The following FMN2 variants were observed in gnomAD, a reference collection of about 807,000 sequenced individuals.
FMN2 encodes formin 2.
A neutral mutation model predicts 142.3 loss-of-function variants in FMN2; 51 were observed. The ratio of observed to expected loss-of-function variants is 0.36; its 90% confidence interval spans 0.29 to 0.45. The LOEUF (loss-of-function observed/expected upper bound fraction) is 0.45, where lower values mean the gene tolerates loss of function less well. FMN2 is among the 20% of genes least tolerant of loss of function. FMN2 has a pLI of 1.00. For synonymous variants in FMN2, 882 were observed against 869.8 expected (o/e 1.01, Z -0.25); for missense variants, 1,936 against 2,122.8 (o/e 0.91, Z 1.73).
At chr1:240,260,176 A>C (rs1257239227) in intron 7 of FMN2, among the ~76,000 whole-genome samples, 1 of 152,174 alleles carries the variant, frequency 6.6e-6, no homozygotes, top group African/African-American at 2.4e-5. Context: ...GGCTGGTTCC[A>C]TATTTTTGCA....
At chr1:240,143,837 A>G (rs768141566) in intron 2 of FMN2, 65 of 1,569,466 alleles carry the variant, frequency 4.1e-5, no homozygotes, top group Non-Finnish European at 5.6e-5. Context: ...CACACCTGCC[A>G]CCTCCATGCT....
chr1:240,459,695 T>G (rs1676374355), intron 16 of FMN2, among the ~76,000 whole-genome samples: 1 of 109,396 alleles, frequency 9.1e-6, no homozygotes, highest in African/African-American at 3.6e-5. Flanking sequence ...CCAGCCTGGG[T>G]GACAGAACAA....
At chr1:240,205,785 G>GTT (rs532877974) in intron 4 of FMN2, among the ~76,000 whole-genome samples, 1 of 145,322 alleles carries the variant, frequency 6.9e-6, no homozygotes, top group South Asian at 2.2e-4. Context: ...TACTCAAAAC[G>GTT]TTTTTTTTTT....
chr1:240,196,323 A>C (rs1039484210), intron 4 of FMN2, among the ~76,000 whole-genome samples: 1 of 152,194 alleles, frequency 6.6e-6, no homozygotes, highest in East Asian at 1.9e-4. Context: ...TGATACAGGA[A>C]AAGTGGCAAC....
At chr1:240,255,803 C>A (rs149627574) in intron 6 of FMN2, among the ~76,000 whole-genome samples, 1 of 152,042 alleles carries the variant, frequency 6.6e-6, no homozygotes, top group Non-Finnish European at 1.5e-5. Context: ...TGTCTTTTCA[C>A]GAAGTAGGAG....
chr1:240,418,921 A>C (rs1674671434), intron 15 of FMN2, among the ~76,000 whole-genome samples: 1 of 152,108 alleles, frequency 6.6e-6, no homozygotes, highest in African/African-American at 2.4e-5. Flanking sequence ...AGCCTGGCCA[A>C]CATCATGAAA....
intron 15 of FMN2, among the ~76,000 whole-genome samples, chr1:240,432,584 A>C (rs995398419): frequency 1.3e-5 from 2 of 152,106 alleles, no homozygotes; most frequent in Middle Eastern, 6.8e-3. Flanking sequence ...ATGTCTAAAT[A>C]ACTGATTTTA....
chr1:240,141,671 T>C (rs988744163), intron 2 of FMN2, among the ~76,000 whole-genome samples: 1 of 152,156 alleles, frequency 6.6e-6, no homozygotes, highest in African/African-American at 2.4e-5. Context: ...CGCCCAGCCA[T>C]ATACTTTAAA....
At chr1:240,252,795 T>C (rs1264373249) in intron 6 of FMN2, among the ~76,000 whole-genome samples, 10 of 151,970 alleles carry the variant, frequency 6.6e-5, no homozygotes, top group Non-Finnish European at 1.2e-4. Flanking sequence ...CCTGTATCTG[T>C]ATGTCTAAAT....
chr1:240,436,937 G>C (rs1020595501), intron 15 of FMN2, among the ~76,000 whole-genome samples: 1 of 152,146 alleles, frequency 6.6e-6, no homozygotes, highest in African/African-American at 2.4e-5. Flanking sequence ...AGAAAGAAAA[G>C]ACAAGCTTAT....
chr1:240,458,332 G>A (rs752659377), intron 16 of FMN2: 5 of 152,044 alleles, frequency 3.3e-5, no homozygotes, highest in Non-Finnish European at 1.5e-5. Flanking sequence ...TTGCATAATT[G>A]CAAATTATTA....
At chr1:240,104,402 A>G (rs1429438277) in intron 1 of FMN2, among the ~76,000 whole-genome samples, 1 of 152,054 alleles carries the variant, frequency 6.6e-6, no homozygotes, top group African/African-American at 2.4e-5. Context: ...TCCTCAGAGA[A>G]AAAAAGAATC....
intron 15 of FMN2, among the ~76,000 whole-genome samples, chr1:240,413,437 T>C (rs1003822856): frequency 3.9e-5 from 6 of 152,046 alleles, no homozygotes; most frequent in African/African-American, 9.7e-5. Context: ...CTAGTGCCAG[T>C]AGGTGGACCA....
At chr1:240,384,285 C>T (rs2103086013) in intron 14 of FMN2, among the ~76,000 whole-genome samples, 1 of 151,972 alleles carries the variant, frequency 6.6e-6, no homozygotes, top group Non-Finnish European at 1.5e-5. Context: ...GCATATGTAC[C>T]CCAGAATCTA....
At chr1:240,439,697 G>A (rs1049511213) in intron 16 of FMN2, among the ~76,000 whole-genome samples, 18 of 152,282 alleles carry the variant, frequency 1.2e-4, no homozygotes, top group African/African-American at 4.3e-4. Context: ...ATATGCAGGT[G>A]GGGTAGAAGA....
intron 14 of FMN2, among the ~76,000 whole-genome samples, chr1:240,372,002 G>A (rs573501326): frequency 9.9e-5 from 15 of 152,266 alleles, no homozygotes; most frequent in Admixed American, 2.0e-4. Flanking sequence ...TTGGGAGGCC[G>A]AGGCGGGTGG....
chr1:240,217,077 A>G (rs1034244993), intron 6 of FMN2, among the ~76,000 whole-genome samples: 7 of 152,250 alleles, frequency 4.6e-5, no homozygotes, highest in African/African-American at 1.7e-4. Context: ...GTAATTGCCA[A>G]TAAAAGGCTG....
At chr1:240,404,854 C>T (rs926534773) in intron 15 of FMN2, among the ~76,000 whole-genome samples, 3 of 152,114 alleles carry the variant, frequency 2.0e-5, no homozygotes, top group East Asian at 3.9e-4. Flanking sequence ...TTAGCGTTAG[C>T]GCTTTTCAAG....
At chr1:240,126,368 C>T (rs892675952) in intron 2 of FMN2, among the ~76,000 whole-genome samples, 6 of 151,120 alleles carry the variant, frequency 4.0e-5, no homozygotes, top group African/African-American at 7.3e-5. Context: ...CTACCTACCC[C>T]CCCCCACTTT....
Sources: allele counts gnomAD v4.1 joint callset (sites outside exome capture counted in the v4.1 genomes callset), GRCh38; gene constraint gnomAD v4.1.1; transcripts MANE v1.5; gene names NCBI Gene and HGNC (gene_info 2026-07-23, HGNC 2026-07-21).